Variants in ADGRB3 observed in about 807,000 individuals in gnomAD.
ADGRB3 encodes adhesion G protein-coupled receptor B3.
Under a neutral mutation model 193.4 loss-of-function variants are expected in ADGRB3, and 37 were observed. The observed-to-expected ratio is 0.19, with a 90% CI of 0.15 to 0.25. The LOEUF (loss-of-function observed/expected upper bound fraction) is 0.25, where lower values mean the gene tolerates loss of function less well. Ranked by LOEUF, ADGRB3 falls within the 10% of genes least tolerant of loss-of-function variation. The probability of loss-of-function intolerance (pLI) is 1.00; values close to 1 mark genes in which losing one functional copy is unlikely to be tolerated. For missense variants in ADGRB3, 1,637 were observed against 1,852.9 expected (o/e 0.88, Z 2.14); for synonymous variants, 690 against 644.2 (o/e 1.07, Z -1.08).
chr6:69,251,530 T>G (rs1274177489), intron 20 of ADGRB3, among the ~76,000 whole-genome samples: 2 of 152,134 alleles, frequency 1.3e-5, no homozygotes, highest in African/African-American at 4.8e-5. Context: ...ATGAAGAAAA[T>G]ATCTAAGCCT....
intron 3 of ADGRB3, among the ~76,000 whole-genome samples, chr6:68,755,536 T>C (rs142318401): frequency 1.5e-3 from 223 of 152,168 alleles, no homozygotes; most frequent in Middle Eastern, 6.8e-3. Context: ...GAGAATGAAG[T>C]TGACATAGAC....
intron 31 of ADGRB3, 50 bp from the exon 32 acceptor site, chr6:69,388,653 G>C: frequency 6.5e-7 from 1 of 1,538,004 alleles, no homozygotes; most frequent in Middle Eastern, 1.7e-4. Context: ...TCAACTAGCG[G>C]TGATCCTGGT....
At chr6:68,669,574 C>T (rs1197739611) in intron 3 of ADGRB3, among the ~76,000 whole-genome samples, 1 of 150,572 alleles carries the variant, frequency 6.6e-6, no homozygotes, top group Non-Finnish European at 1.5e-5. Flanking sequence ...ATGACAGGAT[C>T]CCAGTTTTTT....
chr6:68,666,498 C>T (rs2127292229), intron 3 of ADGRB3, among the ~76,000 whole-genome samples: 1 of 151,874 alleles, frequency 6.6e-6, no homozygotes, highest in Admixed American at 6.6e-5. Context: ...CTAGTCCCCT[C>T]AGAAGAAATG....
intron 3 of ADGRB3, among the ~76,000 whole-genome samples, chr6:68,923,289 T>G (rs890313959): frequency 6.6e-6 from 1 of 152,046 alleles, no homozygotes; most frequent in Non-Finnish European, 1.5e-5. Context: ...AGTAAAAATA[T>G]GTAAAAGACA....
chr6:69,092,709 G>A (rs1230450884), intron 17 of ADGRB3, among the ~76,000 whole-genome samples: 1 of 152,126 alleles, frequency 6.6e-6, no homozygotes, highest in African/African-American at 2.4e-5. Flanking sequence ...AAAGTACATA[G>A]AAGGCAGAAC....
rs567765234 is a variant in ADGRB3, at chr6:68,956,335, G to A, written c.1360+147G>A. Reference sequence around the variant, plus strand: ...TGTGTGTGTGTGTGTGTGTATACATGTATTTATTAATGAAGCCGATTATAC... The same window carrying A: ...TGTGTGTGTGTGTGTGTGTATACATATATTTATTAATGAAGCCGATTATAC... On this transcript the variant is annotated intron_variant, in intron 7 of 31. Coordinates refer to ENST00000370598, the MANE Select transcript of ADGRB3 (RefSeq NM_001704.3). 3.1e-5 allele frequency: 28 copies of A among 912,080 alleles called. No homozygotes were observed. The African/African-American group carries it at 4.0e-4, about 13-fold the overall frequency. The allele number at this position is 912,080 out of a possible 1,614,324, so 56.5% of individuals were successfully genotyped here.
At chr6:69,270,839 T>G (rs1311188554) in intron 20 of ADGRB3, among the ~76,000 whole-genome samples, 1 of 152,210 alleles carries the variant, frequency 6.6e-6, no homozygotes, top group Non-Finnish European at 1.5e-5. Context: ...TTTCCACATA[T>G]TTTTGTTCTT....
chr6:69,268,466 T>G (rs1260461194), intron 20 of ADGRB3, among the ~76,000 whole-genome samples: 1 of 152,192 alleles, frequency 6.6e-6, no homozygotes, highest in East Asian at 1.9e-4. Context: ...TAGACTTCTC[T>G]CTAAGCAATC....
At chr6:69,354,468 G>C (rs535672064) in intron 27 of ADGRB3, 140 bp downstream of exon 27, 5 of 681,530 alleles carry the variant, frequency 7.3e-6, no homozygotes, top group Non-Finnish European at 1.3e-5. Context: ...GTGAACTCTG[G>C]TACCACAGAA....
At chr6:69,061,740 T>C (rs1771755086) in intron 15 of ADGRB3, among the ~76,000 whole-genome samples, 1 of 152,112 alleles carries the variant, frequency 6.6e-6, no homozygotes, top group African/African-American at 2.4e-5. Context: ...AATAGATGAA[T>C]CTCAAAAATG....
chr6:69,147,153 CT>C (rs1280971683), intron 17 of ADGRB3, among the ~76,000 whole-genome samples: 3 of 151,920 alleles, frequency 2.0e-5, no homozygotes, highest in Non-Finnish European at 4.4e-5. Flanking sequence ...GATTTCAGCT[CT>C]GATCTTTATT....
intron 17 of ADGRB3, among the ~76,000 whole-genome samples, chr6:69,120,656 G>A (rs1442099719): frequency 6.6e-6 from 1 of 152,236 alleles, no homozygotes. Context: ...AGAGAGGGGA[G>A]ATGGTAGCCT....
chr6:69,053,768 G>A (rs981151271), intron 15 of ADGRB3, among the ~76,000 whole-genome samples: 2 of 152,158 alleles, frequency 1.3e-5, no homozygotes, highest in Non-Finnish European at 2.9e-5. Context: ...TAGCATTTTT[G>A]GAGGCCAATT....
chr6:69,347,965 T>A (rs3799091), intron 26 of ADGRB3, among the ~76,000 whole-genome samples: 66,712 of 151,976 alleles, frequency 0.44, 16,531 homozygotes, highest in African/African-American at 0.67. Context: ...TTTCCAAGAA[T>A]TCACCAACCT....
At chr6:68,815,072 T>C (rs1409221625) in intron 3 of ADGRB3, among the ~76,000 whole-genome samples, 1 of 152,084 alleles carries the variant, frequency 6.6e-6, no homozygotes, top group Non-Finnish European at 1.5e-5. Flanking sequence ...CCTTGAAAAC[T>C]GACACAAGAC....
chr6:69,173,946 A>C (rs41476950), intron 17 of ADGRB3, among the ~76,000 whole-genome samples: 6,987 of 152,314 alleles, frequency 0.046, 225 homozygotes, highest in Non-Finnish European at 0.071. Context: ...CAAAATCTTA[A>C]CCAAGCTCTT....
At chr6:68,867,716 G>A (rs1462761392) in intron 3 of ADGRB3, among the ~76,000 whole-genome samples, 3 of 152,190 alleles carry the variant, frequency 2.0e-5, no homozygotes, top group Non-Finnish European at 4.4e-5. Context: ...CAAGGCTTTG[G>A]GAGGCCAATC....
At chr6:69,248,648 T>TAAAA (rs1177754896) in intron 20 of ADGRB3, among the ~76,000 whole-genome samples, 14 of 152,258 alleles carry the variant, frequency 9.2e-5, no homozygotes, top group Middle Eastern at 3.2e-3. Flanking sequence ...TGCTGTCTGT[T>TAAAA]GAATCTATTC....
Sources: allele counts gnomAD v4.1 joint callset (sites outside exome capture counted in the v4.1 genomes callset), GRCh38; gene constraint gnomAD v4.1.1; transcripts MANE v1.5; gene names NCBI Gene and HGNC (gene_info 2026-07-23, HGNC 2026-07-21).